Variants in FERMT1 observed in about 807,000 individuals in gnomAD.
FERMT1 encodes the protein FERM domain containing kindlin 1, also known as fermitin family homolog 1.
FERMT1 carries 60 observed loss-of-function variants against 85.3 expected under a neutral mutation model. The ratio of observed to expected loss-of-function variants is 0.70; its 90% CI spans 0.57 to 0.87. FERMT1 has a LOEUF of 0.87. Ranked by LOEUF, FERMT1 falls within the 40% of genes least tolerant of loss-of-function variation. The pLI is 0.00. For missense variants in FERMT1, 701 were observed against 818.9 expected, an observed-to-expected ratio of 0.86 and a Z score of 1.76; for synonymous variants, 275 against 301.1, an observed-to-expected ratio of 0.91 and a Z score of 0.90.
chr20:6,122,467 G>C (rs1344751502), intron 1 of FERMT1, among the ~76,000 whole-genome samples: 1 of 152,196 alleles, frequency 6.6e-6, no homozygotes, highest in East Asian at 1.9e-4. Context: ...GAAGGTGCTT[G>C]GTGTTCGAAG....
At chr20:6,080,092 T>C (rs1284137765) in intron 13 of FERMT1, among the ~76,000 whole-genome samples, 1 of 152,122 alleles carries the variant, frequency 6.6e-6, no homozygotes, top group Non-Finnish European at 1.5e-5. Context: ...TGCATGAGGA[T>C]GTGAGCCGCG....
At position 6,081,840 on chromosome 20, in the gene FERMT1, T is replaced by G. The variant is rs1335696614; in HGVS notation, c.1718+2200A>C. Among the ~76,000 whole-genome samples the G allele has an allele frequency of 2.6e-5, 4 of 152,220 alleles. No homozygotes were observed. The East Asian group carries it at 7.7e-4, about 29-fold the overall frequency. On this transcript the variant is annotated intron_variant, in intron 13 of 14. Coordinates refer to ENST00000217289, the MANE Select transcript of FERMT1 (RefSeq NM_017671.5). ...CATTCTTATCTTCTGCATGTCACCCTTGGTTAAAATTTACTCCCCTGTTCT... is the reference window on the plus strand; with the variant it reads ...CATTCTTATCTTCTGCATGTCACCCGTGGTTAAAATTTACTCCCCTGTTCT...
At chr20:6,119,347 G>A in intron 2 of FERMT1, 57 bp downstream of exon 2, 2 of 1,537,224 alleles carry the variant, frequency 1.3e-6, no homozygotes, top group Non-Finnish European at 1.8e-6. Context: ...GCCATTAGTG[G>A]TGATGCACCA....
At chr20:6,112,410 A>C in intron 4 of FERMT1, 67 bp downstream of exon 4, 1 of 1,469,482 alleles carries the variant, frequency 6.8e-7, no homozygotes, top group Non-Finnish European at 9.5e-7. Context: ...GGGTGGGAGG[A>C]GAGATATATT....
At chr20:6,117,932 G>A (rs1210653190) in intron 2 of FERMT1, among the ~76,000 whole-genome samples, 2 of 152,246 alleles carry the variant, frequency 1.3e-5, no homozygotes, top group African/African-American at 2.4e-5. Context: ...AAAGTGCTGG[G>A]ATTACAGGCG....
At position 6,079,378 on chromosome 20, in the gene FERMT1, A is replaced by G. The variant is rs561720099; in HGVS notation, c.1860+58T>C. On this transcript the variant is annotated intron_variant, in intron 14 of 14. Coordinates refer to ENST00000217289, the MANE Select transcript of FERMT1 (RefSeq NM_017671.5). Reference sequence around the variant, plus strand: ...CTTTTAAAACTCAGAATAATCTGCAATTCTGAGGGACACACATTTATAGGC... The same window carrying G: ...CTTTTAAAACTCAGAATAATCTGCAGTTCTGAGGGACACACATTTATAGGC... 7 of 1,577,768 alleles carry G rather than the reference A, an allele frequency of 4.4e-6. No homozygotes were observed. The East Asian group carries it at 6.7e-5, about 15-fold the overall frequency.
chr20:6,112,942 A>G (rs1303679769), intron 3 of FERMT1, among the ~76,000 whole-genome samples: 1 of 152,206 alleles, frequency 6.6e-6, no homozygotes, highest in Non-Finnish European at 1.5e-5. Flanking sequence ...AGCTTCAGTC[A>G]TTACTAGCAT....
At chr20:6,116,540 C>A (rs1983106691) in intron 2 of FERMT1, among the ~76,000 whole-genome samples, 1 of 152,016 alleles carries the variant, frequency 6.6e-6, no homozygotes, top group African/African-American at 2.4e-5. Flanking sequence ...CCAGCCCGGC[C>A]TACATGGCAA....
rs1471072950 is a variant in FERMT1, at chr20:6,076,974, C to G, written c.*199G>C. ...TTTTATAGAAAAAACAAGAGAGGCT[C>G]CTTCCGTGGCTGGTAGCACAGGGCA... On this transcript the variant is annotated 3_prime_UTR_variant, in exon 15 of 15. Coordinates refer to ENST00000217289, the MANE Select transcript of FERMT1 (RefSeq NM_017671.5). 3.3e-6 allele frequency: 2 copies of G among 611,052 alleles called. No individual in the cohort carries two copies. The highest frequency in any genetic ancestry group is 5.7e-5 in the Admixed American group (2 of 34,938). 37.9% of individuals were successfully genotyped at this position (611,052 alleles called of 1,614,324 possible).
At chr20:6,084,277 T>A (rs1008474877) in intron 12 of FERMT1, 113 bp from the exon 13 acceptor site, 7 of 1,154,784 alleles carry the variant, frequency 6.1e-6, no homozygotes, top group Non-Finnish European at 8.8e-6. Flanking sequence ...TCTGCAGCTC[T>A]ACAAAGACAA....
intron 9 of FERMT1, among the ~76,000 whole-genome samples, chr20:6,092,121 G>A (rs1982386923): frequency 6.6e-6 from 1 of 152,004 alleles, no homozygotes; most frequent in Admixed American, 6.6e-5. Flanking sequence ...TTTGTAGTTG[G>A]TTGTGGATAT....
At chr20:6,091,474 C>T (rs973022246) in intron 9 of FERMT1, among the ~76,000 whole-genome samples, 5 of 152,026 alleles carry the variant, frequency 3.3e-5, no homozygotes, top group South Asian at 2.1e-4. Context: ...TCAAGTGATC[C>T]GCCCACCTTG....
chr20:6,078,755 C>T (rs995493787), intron 14 of FERMT1, among the ~76,000 whole-genome samples: 4 of 151,914 alleles, frequency 2.6e-5, no homozygotes, highest in African/African-American at 9.7e-5. Flanking sequence ...TCCCAAAGCA[C>T]TGGGCAGAAT....
At chr20:6,086,142 A>AC (rs1982178513) in intron 11 of FERMT1, among the ~76,000 whole-genome samples, 1 of 139,522 alleles carries the variant, frequency 7.2e-6, no homozygotes, top group Non-Finnish European at 1.5e-5. Context: ...CTCCATCTCA[A>AC]AAAAAAAAAA....
At chr20:6,093,545 A>G (rs1342592302) in intron 9 of FERMT1, among the ~76,000 whole-genome samples, 6 of 152,236 alleles carry the variant, frequency 3.9e-5, no homozygotes, top group Non-Finnish European at 7.3e-5. Flanking sequence ...TTGTGGAACA[A>G]TTATGAATAC....
At chr20:6,117,581 G>A (rs754806092) in intron 2 of FERMT1, among the ~76,000 whole-genome samples, 42 of 152,100 alleles carry the variant, frequency 2.8e-4, no homozygotes, top group African/African-American at 9.4e-4. Context: ...TTGTAGGCAC[G>A]CACCACCATG....
intron 6 of FERMT1, among the ~76,000 whole-genome samples, chr20:6,106,009 A>T (rs373675521): frequency 3.9e-5 from 6 of 152,250 alleles, no homozygotes; most frequent in African/African-American, 1.2e-4. Context: ...CTTAAATATA[A>T]AATCACAAAA....
chr20:6,111,981 G>A (rs1982964290), intron 4 of FERMT1, among the ~76,000 whole-genome samples: 1 of 151,806 alleles, frequency 6.6e-6, no homozygotes, highest in Non-Finnish European at 1.5e-5. Context: ...TCCCATCTCA[G>A]CCTTCTGAGT....
intron 11 of FERMT1, 69 bp from the exon 12 acceptor site, chr20:6,085,356 T>C: frequency 1.4e-6 from 2 of 1,419,420 alleles, no homozygotes; most frequent in Non-Finnish European, 2.0e-6. Context: ...GAGGGGGACT[T>C]GGGCTTTCTA....
Sources: gnomAD v4.1 joint callset for allele counts (sites outside exome capture counted in the v4.1 genomes callset) on GRCh38, gnomAD v4.1.1 for gene constraint, MANE v1.5 for transcripts, NCBI Gene and HGNC (gene_info 2026-07-23, HGNC 2026-07-21) for gene names.